The following PDE8B variants were observed in gnomAD, a reference collection of about 807,000 sequenced individuals.
PDE8B encodes high affinity cAMP-specific and IBMX-insensitive 3',5'-cyclic phosphodiesterase 8B.
In PDE8B, 26 loss-of-function variants were observed where a neutral mutation model predicts 101.3. The ratio of observed to expected loss-of-function variants is 0.26; its 90% CI spans 0.19 to 0.36. The LOEUF (loss-of-function observed/expected upper bound fraction) is 0.36, where lower values mean the gene tolerates loss of function less well. Ranked by LOEUF, PDE8B falls within the 10% of genes least tolerant of loss-of-function variation. PDE8B has a pLI of 1.00. For missense variants in PDE8B, 810 were observed against 1,163.1 expected (o/e 0.70, Z 4.42); for synonymous variants, 424 against 429.3 (o/e 0.99, Z 0.15).
chr5:77,426,608 T>C lies in PDE8B; in HGVS notation c.*54T>C, dbSNP rs1798194928. 3 of 921,178 alleles carry C rather than the reference T, an allele frequency of 3.3e-6. No homozygotes were observed. The East Asian group carries it at 7.3e-5, about 22-fold the overall frequency. 57.1% of individuals were successfully genotyped at this position (921,178 alleles called of 1,614,324 possible). ...CGACAAAGGACACTGTGAATCACAG[T>C]AGCGTAAACGAGAGGCCTTCCTTTC... On this transcript the variant is annotated 3_prime_UTR_variant, in exon 22 of 22. Coordinates refer to ENST00000264917, the MANE Select transcript of PDE8B (RefSeq NM_003719.5).
chr5:77,311,984 C>T lies in PDE8B; in HGVS notation c.340-10C>T, dbSNP rs1193675981. Reference sequence around the variant, plus strand: ...GACTTGACGCTTCTCTTGTGCTGTCCTTTATTTAGCAGGTGTCTTCTGCGG... The same window carrying T: ...GACTTGACGCTTCTCTTGTGCTGTCTTTTATTTAGCAGGTGTCTTCTGCGG... On this transcript the variant is annotated splice_polypyrimidine_tract_variant and intron_variant, in intron 1 of 21. Transcript: ENST00000264917. The T allele has an allele frequency of 6.2e-7, 1 of 1,611,830 alleles. No individual in the cohort carries two copies. Among genetic ancestry groups the T allele is most frequent in the Non-Finnish European group, 8.5e-7 (1 of 1,177,972 alleles).
the PDE8B span, chr5:77,165,473 T>A: frequency 6.6e-6 from 1 of 152,244 alleles, no homozygotes; most frequent in Non-Finnish European, 1.5e-5. Flanking sequence ...ACAAGGCTCC[T>A]GCCTATGTCA....
rs777668314 is a variant in PDE8B, at chr5:77,389,661, G to A, written c.1168-10587G>A. 1.1e-4 allele frequency among the ~76,000 whole-genome samples: 16 copies of A among 151,982 alleles called. No individual in the cohort carries two copies. In the East Asian group the frequency reaches 2.1e-3, roughly 20 times the overall value. ...CTATCTCTGTCCACCCATCCTGCTC[G>A]CCCCCAGAGGTGACCACTTTTCTGA... On this transcript the variant is annotated intron_variant, in intron 10 of 21. Coordinates refer to ENST00000264917, the MANE Select transcript of PDE8B (RefSeq NM_003719.5).
chr5:77,204,050 G>GTTTTTTT, the PDE8B span, among the ~76,000 whole-genome samples: 8 of 113,620 alleles, frequency 7.0e-5, no homozygotes, highest in Non-Finnish European at 1.2e-4. Context: ...TGTACCCTTA[G>GTTTTTTT]TTTTTTTTTT....
At chr5:77,097,098 A>G in the PDE8B span, among the ~76,000 whole-genome samples, 13 of 152,070 alleles carry the variant, frequency 8.5e-5, no homozygotes, top group Non-Finnish European at 1.6e-4. Flanking sequence ...TTAATTATAT[A>G]CATCTTTGGC....
At chr5:77,168,944 G>A in the PDE8B span, among the ~76,000 whole-genome samples, 1 of 152,194 alleles carries the variant, frequency 6.6e-6, no homozygotes, top group Non-Finnish European at 1.5e-5. Flanking sequence ...TTCAGAAGAC[G>A]TTTGTTATTC....
intron 17 of PDE8B, among the ~76,000 whole-genome samples, chr5:77,417,670 A>G (rs1414933290): frequency 1.3e-5 from 2 of 152,088 alleles, no homozygotes; most frequent in Non-Finnish European, 2.9e-5. Flanking sequence ...CCCAGAGCTG[A>G]ATTTTGTTCT....
intron 10 of PDE8B, among the ~76,000 whole-genome samples, chr5:77,398,658 C>T (rs1414838785): frequency 6.6e-6 from 1 of 152,190 alleles, no homozygotes; most frequent in East Asian, 1.9e-4. Flanking sequence ...GGCTGGCTCC[C>T]GCTAAGACAC....
rs571387834 is a variant in PDE8B at position 77,309,308 on chromosome 5, G to C, written c.340-2686G>C. Among the ~76,000 whole-genome samples the C allele has an allele frequency of 2.4e-4, 36 of 152,282 alleles. No individual in the cohort carries two copies. In the South Asian group the frequency reaches 7.5e-3, roughly 32 times the overall value. ...AAGAAAAGTATACAGGCAAGGTATTGGTTAGGGGTGAATTATTATTTTTTG... is the reference window on the plus strand; with the variant it reads ...AAGAAAAGTATACAGGCAAGGTATTCGTTAGGGGTGAATTATTATTTTTTG... On this transcript the variant is annotated intron_variant, in intron 1 of 21. Coordinates refer to ENST00000264917, the MANE Select transcript of PDE8B (RefSeq NM_003719.5).
intron 13 of PDE8B, among the ~76,000 whole-genome samples, chr5:77,407,711 C>G (rs746945025): frequency 3.3e-5 from 5 of 152,150 alleles, no homozygotes; most frequent in Non-Finnish European, 5.9e-5. Context: ...CAGGGAAACT[C>G]TCAGTCATGT....
In PDE8B at chr5:77,226,767, G is replaced by A. The variant is rs114466892; in HGVS notation, c.339+15503G>A. Among the ~76,000 whole-genome samples the A allele has an allele frequency of 3.1e-3, 465 of 152,248 alleles. 2 individuals are homozygous for A. The highest frequency in any genetic ancestry group is 0.011 in the African/African-American group (445 of 41,542). On this transcript the variant is annotated intron_variant, in intron 1 of 21. Transcript: ENST00000264917. ...AAGATCTCTAGATCTTAATCTCAGA[G>A]GATTTTCTTTGAGTAAAATGTACTT...
upstream of PDE8B, chr5:77,210,305 G>A (rs1747964693): frequency 6.6e-6 from 1 of 152,014 alleles, no homozygotes; most frequent in Admixed American, 6.6e-5. The surrounding 1 kb of genome is among the most constrained non-coding windows in gnomAD (Gnocchi z 4.9). Context: ...GCCGCGCACA[G>A]GGGCCCCGCG....
At chr5:77,165,806 G>A in the PDE8B span, among the ~76,000 whole-genome samples, 1 of 151,906 alleles carries the variant, frequency 6.6e-6, no homozygotes, top group Non-Finnish European at 1.5e-5. Flanking sequence ...AGGAGTTCAA[G>A]ACCAGCCTGG....
rs1245757113 is a variant in PDE8B, at chr5:77,428,237, A to G, written c.*1683A>G. The G allele has an allele frequency of 6.6e-6, 1 of 152,292 alleles. No individual in the cohort carries two copies. Among genetic ancestry groups the G allele is most frequent in the African/African-American group, 2.4e-5 (1 of 41,572 alleles). 9.4% of individuals were successfully genotyped at this position (152,292 alleles called of 1,614,324 possible). Reference sequence around the variant, plus strand: ...TGTTTTTATTTTACCTCTTTGGCCTAAAGTTTTCATAATTTCAAATTTGGG... The same window carrying G: ...TGTTTTTATTTTACCTCTTTGGCCTGAAGTTTTCATAATTTCAAATTTGGG... On this transcript the variant is annotated 3_prime_UTR_variant, in exon 22 of 22. Transcript: ENST00000264917.
At chr5:77,356,172 T>G (rs911605978) in intron 10 of PDE8B, among the ~76,000 whole-genome samples, 1 of 152,188 alleles carries the variant, frequency 6.6e-6, no homozygotes, top group Admixed American at 6.5e-5. Flanking sequence ...CTTCATACAC[T>G]TCTTTGGGCA....
chr5:77,363,314 G>A (rs1258884994), intron 10 of PDE8B, among the ~76,000 whole-genome samples: 2 of 152,224 alleles, frequency 1.3e-5, no homozygotes, highest in African/African-American at 2.4e-5. Context: ...AAGCACAAGT[G>A]TATCTTCGGA....
chr5:77,362,977 G>A (rs1018614607), intron 10 of PDE8B, among the ~76,000 whole-genome samples: 7 of 152,210 alleles, frequency 4.6e-5, no homozygotes, highest in Non-Finnish European at 2.9e-5. Context: ...TGTCTTGGTC[G>A]CTGTGTCCCC....
At chr5:77,381,478 A>G (rs2150800173) in intron 10 of PDE8B, among the ~76,000 whole-genome samples, 1 of 152,248 alleles carries the variant, frequency 6.6e-6, no homozygotes, top group South Asian at 2.1e-4. Flanking sequence ...AATGCTGTCT[A>G]CCTTCCCACG....
intron 1 of PDE8B, among the ~76,000 whole-genome samples, chr5:77,235,550 C>T (rs1754486244): frequency 6.6e-6 from 1 of 152,090 alleles, no homozygotes; most frequent in Non-Finnish European, 1.5e-5. Context: ...CCTACTGTGA[C>T]CTTGAATCAG....
Sources: gnomAD v4.1 joint callset for allele counts (sites outside exome capture counted in the v4.1 genomes callset) on GRCh38, gnomAD v4.1.1 for gene constraint, Gnocchi (gnomAD v3.1) non-coding constraint, MANE v1.5 for transcripts, NCBI Gene and HGNC (gene_info 2026-07-23, HGNC 2026-07-21) for gene names.